WWOX: variants seen among roughly 807,000 people sequenced by gnomAD.
WWOX encodes the protein WW domain containing oxidoreductase, also known as WW domain-containing oxidoreductase.
Under a neutral mutation model 46.2 loss-of-function variants are expected in WWOX, and 69 were observed. The observed-to-expected ratio is 1.49, with a 90% CI of 1.23 to 1.82. The LOEUF (loss-of-function observed/expected upper bound fraction) is 1.82. Among genes scored for constraint, WWOX ranks in the 40% most tolerant of loss-of-function variants. The pLI, the probability that WWOX is intolerant of heterozygous loss-of-function variation, is 0.00. For synonymous variants in WWOX, 359 were observed against 202.6 expected (o/e 1.77, Z -6.56); for missense variants, 919 against 542.6 (o/e 1.69, Z -6.89).
intron 5 of WWOX, among the ~76,000 whole-genome samples, chr16:78,174,093 T>C (rs892947600): frequency 6.6e-6 from 1 of 152,090 alleles, no homozygotes; most frequent in African/African-American, 2.4e-5. Context: ...GCAATTAGGG[T>C]TTCACCATAA....
At chr16:78,566,909 T>C (rs1340416336) in intron 8 of WWOX, among the ~76,000 whole-genome samples, 1 of 152,160 alleles carries the variant, frequency 6.6e-6, no homozygotes, top group Non-Finnish European at 1.5e-5. Context: ...CTGTGAATAG[T>C]ATTAGTAATA....
intron 6 of WWOX, among the ~76,000 whole-genome samples, chr16:78,405,587 C>T (rs2082508567): frequency 6.6e-6 from 1 of 152,154 alleles, no homozygotes; most frequent in African/African-American, 2.4e-5. Context: ...AGAAACAATA[C>T]ATAAGTATCT....
At chr16:78,241,808 G>A (rs981241677) in intron 5 of WWOX, among the ~76,000 whole-genome samples, 1 of 152,160 alleles carries the variant, frequency 6.6e-6, no homozygotes, top group Non-Finnish European at 1.5e-5. Flanking sequence ...CTCAGAGAGG[G>A]CGGAGTCAGA....
chr16:78,414,523 C>T (rs143768215), intron 6 of WWOX, among the ~76,000 whole-genome samples: 2,030 of 152,260 alleles, frequency 0.013, 28 homozygotes, highest in South Asian at 0.015. Flanking sequence ...GAGCCAATTG[C>T]GCCACTGCAC....
intron 8 of WWOX, among the ~76,000 whole-genome samples, chr16:78,771,846 G>C (rs965026576): frequency 6.6e-6 from 1 of 151,862 alleles, no homozygotes; most frequent in African/African-American, 2.4e-5. Flanking sequence ...GAGCTTTAAC[G>C]AGTTCAGTCT....
intron 8 of WWOX, among the ~76,000 whole-genome samples, chr16:78,438,889 C>T (rs2151392348): frequency 6.6e-6 from 1 of 152,266 alleles, no homozygotes; most frequent in Middle Eastern, 3.4e-3. Context: ...AGATGTCATT[C>T]TTCTAACCTT....
chr16:79,105,028 G>T (rs1162537565), intron 8 of WWOX, among the ~76,000 whole-genome samples: 1 of 152,128 alleles, frequency 6.6e-6, no homozygotes, highest in Non-Finnish European at 1.5e-5. Flanking sequence ...GCACGGGGCT[G>T]GGTCTAGAGT....
intron 8 of WWOX, among the ~76,000 whole-genome samples, chr16:78,639,581 T>C (rs1453793556): frequency 1.2e-4 from 3 of 26,006 alleles, no homozygotes; most frequent in Non-Finnish European, 2.3e-4. Flanking sequence ...TTTTTTTTTT[T>C]CCAGACAGTT....
In WWOX at chr16:79,088,222, G is replaced by A. The variant is rs569796405; in HGVS notation, c.1057-123386G>A. On this transcript the variant is annotated intron_variant, in intron 8 of 8. Transcript: ENST00000566780. Reference sequence around the variant, plus strand: ...GCTCAGTCCACGGGGTGGCCTTCAAGCAGCCTAGACTTGGATCCCTAAGCA... The same window carrying A: ...GCTCAGTCCACGGGGTGGCCTTCAAACAGCCTAGACTTGGATCCCTAAGCA... 7.2e-5 allele frequency among the ~76,000 whole-genome samples: 11 copies of A among 152,302 alleles called. No homozygotes were observed. The East Asian group carries it at 1.7e-3, about 24-fold the overall frequency.
At chr16:79,165,177 C>G (rs959453230) in intron 8 of WWOX, among the ~76,000 whole-genome samples, 7 of 151,080 alleles carry the variant, frequency 4.6e-5, no homozygotes, top group Non-Finnish European at 8.9e-5. Context: ...CTAGATAAAT[C>G]TCCCTGGACA....
chr16:78,383,332 G>T (rs972655715), intron 5 of WWOX, among the ~76,000 whole-genome samples: 18 of 152,072 alleles, frequency 1.2e-4, no homozygotes, highest in Admixed American at 6.6e-5. Context: ...CTGGATGATG[G>T]GTATAGGGTG....
chr16:79,176,124 ATTAG>A (rs890864278), intron 8 of WWOX, among the ~76,000 whole-genome samples: 3 of 152,214 alleles, frequency 2.0e-5, no homozygotes, highest in African/African-American at 4.8e-5. Context: ...TTGCAAATGT[ATTAG>A]TTAGGATAGG....
intron 8 of WWOX, among the ~76,000 whole-genome samples, chr16:78,718,831 G>A (rs2048627504): frequency 6.6e-6 from 1 of 152,136 alleles, no homozygotes; most frequent in African/African-American, 2.4e-5. Flanking sequence ...TTCCTTTGGA[G>A]GAGACATGAA....
At chr16:78,591,962 C>T (rs550591692) in intron 8 of WWOX, among the ~76,000 whole-genome samples, 1 of 152,362 alleles carries the variant, frequency 6.6e-6, no homozygotes, top group Non-Finnish European at 1.5e-5. Context: ...GTGTTCCTAA[C>T]AATGCGCCTA....
chr16:78,216,414 A>T (rs1420297057), intron 5 of WWOX, among the ~76,000 whole-genome samples: 1 of 152,188 alleles, frequency 6.6e-6, no homozygotes, highest in Non-Finnish European at 1.5e-5. Flanking sequence ...GCACCTAAAC[A>T]ACACAAATGT....
At chr16:78,244,208 G>T (rs1438799977) in intron 5 of WWOX, among the ~76,000 whole-genome samples, 1 of 152,176 alleles carries the variant, frequency 6.6e-6, no homozygotes, top group Non-Finnish European at 1.5e-5. Context: ...TTCCCGATGG[G>T]GGTTAAATAA....
intron 8 of WWOX, among the ~76,000 whole-genome samples, chr16:78,707,090 A>G (rs1428202351): frequency 6.6e-6 from 1 of 152,212 alleles, no homozygotes; most frequent in Non-Finnish European, 1.5e-5. Flanking sequence ...TGCTGGAATA[A>G]TTGACATCCA....
chr16:78,448,035 C>A (rs752578802), intron 8 of WWOX, among the ~76,000 whole-genome samples: 2 of 152,130 alleles, frequency 1.3e-5, no homozygotes, highest in African/African-American at 4.8e-5. Flanking sequence ...AACTCCTGAC[C>A]TCAAGTGATC....
At position 79,212,220 on chromosome 16, in the gene WWOX, T is replaced by G. The variant is rs970246349; in HGVS notation, c.*424T>G. 1 of 1,403,122 alleles carries G rather than the reference T, an allele frequency of 7.1e-7. No homozygotes were observed. The highest frequency in any genetic ancestry group is 9.4e-7 in the Non-Finnish European group (1 of 1,067,612). The allele number at this position is 1,403,122 out of a possible 1,614,324, so 86.9% of individuals were successfully genotyped here. A position where few individuals can be genotyped will look rare whatever the true frequency, so the allele number is the denominator to read the frequency against. The stretch of plus-strand genomic sequence containing the variant: ...TCCTACTTAGGGAAGAAAAAGCAAG[T>G]GTTCACTGCTCCTTGCTGCATTGAT... On this transcript the variant is annotated 3_prime_UTR_variant, in exon 9 of 9. Coordinates refer to ENST00000566780, the MANE Select transcript of WWOX (RefSeq NM_016373.4).
Sources: gnomAD v4.1 joint callset for allele counts (sites outside exome capture counted in the v4.1 genomes callset) on GRCh38, gnomAD v4.1.1 for gene constraint, MANE v1.5 for transcripts, NCBI Gene and HGNC (gene_info 2026-07-23, HGNC 2026-07-21) for gene names.